Variants in PBX4 observed in about 807,000 individuals in gnomAD.
The protein encoded by PBX4 is pre-B-cell leukemia transcription factor 4.
A neutral mutation model predicts 35.1 loss-of-function variants in PBX4; 26 were observed. The ratio of observed to expected loss-of-function variants is 0.74; its 90% CI spans 0.54 to 1.03. PBX4 has a LOEUF of 1.03. PBX4 is among the 50% of genes least tolerant of loss of function. The pLI is 0.00. For missense variants in PBX4, 448 were observed against 504.3 expected (o/e 0.89, Z 1.07); for synonymous variants, 199 against 204.2 (o/e 0.97, Z 0.22).
intron 1 of PBX4, among the ~76,000 whole-genome samples, chr19:19,616,550 C>CA (rs1205054563): frequency 6.6e-6 from 1 of 151,950 alleles, no homozygotes; most frequent in Non-Finnish European, 1.5e-5. Context: ...CTCTTGACCT[C>CA]AGGTGATCTG....
chr19:19,592,067 G>C (rs1170589281), intron 2 of PBX4, among the ~76,000 whole-genome samples: 5 of 151,408 alleles, frequency 3.3e-5, no homozygotes, highest in East Asian at 1.9e-4. Flanking sequence ...TGAGGGAGGT[G>C]GGGGGGTGGT....
At chr19:19,583,689 C>T (rs1384434040) in intron 2 of PBX4, among the ~76,000 whole-genome samples, 2 of 152,140 alleles carry the variant, frequency 1.3e-5, no homozygotes, top group Admixed American at 6.6e-5. Flanking sequence ...GTAGCTCATG[C>T]CCTAATCCCA....
At chr19:19,569,865 G>A (rs1349971347) in intron 4 of PBX4, among the ~76,000 whole-genome samples, 2 of 152,038 alleles carry the variant, frequency 1.3e-5, no homozygotes, top group Non-Finnish European at 2.9e-5. Context: ...AGTGGAGATC[G>A]CACCACTGCA....
chr19:19,595,957 G>A (rs2061558145), intron 2 of PBX4, among the ~76,000 whole-genome samples: 1 of 152,184 alleles, frequency 6.6e-6, no homozygotes. Flanking sequence ...AGTGGGCCAG[G>A]TACAGTGGCT....
chr19:19,592,363 C>T (rs2061534247), intron 2 of PBX4, among the ~76,000 whole-genome samples: 2 of 152,136 alleles, frequency 1.3e-5, no homozygotes, highest in South Asian at 4.1e-4. Context: ...ACAGCTGTTT[C>T]TGGGAAGGAG....
chr19:19,579,556 C>T (rs572425412), intron 2 of PBX4, among the ~76,000 whole-genome samples: 3 of 152,330 alleles, frequency 2.0e-5, no homozygotes, highest in East Asian at 1.9e-4. Context: ...CACTTGGCAG[C>T]GGGCTGTGCT....
intron 2 of PBX4, chr19:19,588,559 G>C (rs546857650): frequency 2.2e-6 from 1 of 444,930 alleles, no homozygotes; most frequent in East Asian, 5.3e-5. Context: ...TTACAGGTGT[G>C]AGCCACCGTG....
At chr19:19,585,840 C>T (rs2061485576) in intron 2 of PBX4, among the ~76,000 whole-genome samples, 1 of 152,166 alleles carries the variant, frequency 6.6e-6, no homozygotes, top group Non-Finnish European at 1.5e-5. Flanking sequence ...ATCCCAAAAC[C>T]TATAAGAACT....
Position 19,577,692 on chromosome 19 carries a change from C to T in PBX4, c.194-6859G>A, listed in dbSNP as rs142329277. On this transcript the variant is annotated intron_variant, in intron 2 of 7. Coordinates refer to ENST00000251203, the MANE Select transcript of PBX4 (RefSeq NM_025245.3). ...TGGCTGACACGGTGAAACCCCATCTCTACTAAAAATACAAAAATTAGCCAA... is the reference window on the plus strand; with the variant it reads ...TGGCTGACACGGTGAAACCCCATCTTTACTAAAAATACAAAAATTAGCCAA... Among the ~76,000 whole-genome samples, 465 of 151,990 alleles carry T rather than the reference C, an allele frequency of 3.1e-3. 4 individuals are homozygous for T. The highest frequency in any genetic ancestry group is 0.01 in the African/African-American group (432 of 41,444).
chr19:19,595,280 C>T (rs755740623), intron 2 of PBX4, among the ~76,000 whole-genome samples: 7 of 152,284 alleles, frequency 4.6e-5, no homozygotes, highest in East Asian at 1.9e-4. Flanking sequence ...CTAAGAAACA[C>T]GTGACCACAG....
At chr19:19,572,725 G>C (rs2061392164) in intron 2 of PBX4, among the ~76,000 whole-genome samples, 1 of 151,504 alleles carries the variant, frequency 6.6e-6, no homozygotes, top group Non-Finnish European at 1.5e-5. Context: ...ATGGTGTCGA[G>C]TGTCTGTAAT....
intron 2 of PBX4, among the ~76,000 whole-genome samples, chr19:19,589,260 C>T (rs557857094): frequency 9.0e-4 from 137 of 152,118 alleles, no homozygotes; most frequent in Non-Finnish European, 1.7e-3. Flanking sequence ...AACCCCATCT[C>T]TACTAAAAAT....
At chr19:19,600,107 ACT>A (rs1242229022) in intron 1 of PBX4, among the ~76,000 whole-genome samples, 2 of 151,884 alleles carry the variant, frequency 1.3e-5, no homozygotes, top group Non-Finnish European at 2.9e-5. Flanking sequence ...GTGCCACTGT[ACT>A]CCAGCCCAGG....
chr19:19,615,903 C>A (rs2061686676), intron 1 of PBX4, among the ~76,000 whole-genome samples: 1 of 152,030 alleles, frequency 6.6e-6, no homozygotes, highest in Non-Finnish European at 1.5e-5. Context: ...CACACACACA[C>A]AATTCATTGA....
At chr19:19,586,714 G>C (rs180828114) in intron 2 of PBX4, among the ~76,000 whole-genome samples, 1 of 151,908 alleles carries the variant, frequency 6.6e-6, no homozygotes, top group Non-Finnish European at 1.5e-5. Flanking sequence ...GGGAGGCCAC[G>C]AAGTCAGGAG....
chr19:19,607,993 T>A (rs751248652), intron 1 of PBX4: 1 of 152,206 alleles, frequency 6.6e-6, no homozygotes, highest in Non-Finnish European at 1.5e-5. Context: ...AGCAATATTA[T>A]ACATCTCCTG....
Position 19,563,875 on chromosome 19 carries a change from T to C in PBX4, c.926-260A>G, listed in dbSNP as rs2061324439. 1 of 338,218 alleles carries C rather than the reference T, an allele frequency of 3.0e-6. No individual in the cohort carries two copies. The highest frequency in any genetic ancestry group is 2.2e-5 in the African/African-American group (1 of 46,466). The allele number at this position is 338,218 out of a possible 1,614,324, so 21.0% of individuals were successfully genotyped here. ...CAGGCTTGAGTGCAGTGGCACGATC[T>C]TGGCTCACTGCAAGCTCTGCCTCCC... On this transcript the variant is annotated intron_variant, in intron 6 of 7. Transcript: ENST00000251203. The surrounding 1 kb of genome is among the most constrained non-coding windows in gnomAD (Gnocchi z 5.1).
At chr19:19,573,104 G>A (rs1218454946) in intron 2 of PBX4, among the ~76,000 whole-genome samples, 3 of 151,838 alleles carry the variant, frequency 2.0e-5, no homozygotes, top group African/African-American at 4.8e-5. Flanking sequence ...TCAGGGGTTC[G>A]AGACCAGCCT....
At chr19:19,571,705 G>A (rs2061383946) in intron 2 of PBX4, among the ~76,000 whole-genome samples, 1 of 152,176 alleles carries the variant, frequency 6.6e-6, no homozygotes, top group Non-Finnish European at 1.5e-5. Flanking sequence ...AAAAAGCCTG[G>A]AGCTGCAGCT....
Sources: allele counts gnomAD v4.1 joint callset (sites outside exome capture counted in the v4.1 genomes callset), GRCh38; gene constraint gnomAD v4.1.1; non-coding constraint Gnocchi (gnomAD v3.1); transcripts MANE v1.5; gene names NCBI Gene and HGNC (gene_info 2026-07-23, HGNC 2026-07-21).